Variants in POU2F1 observed in about 807,000 individuals in gnomAD.
POU2F1 encodes the protein POU domain, class 2, transcription factor 1.
A neutral mutation model predicts 84.9 loss-of-function variants in POU2F1; 16 were observed. The ratio of observed to expected loss-of-function variants is 0.19; its 90% CI spans 0.13 to 0.29. The LOEUF (loss-of-function observed/expected upper bound fraction) is 0.29, where lower values mean the gene tolerates loss of function less well. POU2F1 is among the 10% of genes least tolerant of loss of function. The pLI is 1.00. For missense variants in POU2F1, 738 were observed against 942.6 expected, an observed-to-expected ratio of 0.78 and a Z score of 2.84; for synonymous variants, 368 against 368.3, an observed-to-expected ratio of 1.00 and a Z score of 0.01.
intron 1 of POU2F1, among the ~76,000 whole-genome samples, chr1:167,270,993 ATTT>A (rs1181787539): frequency 6.6e-6 from 1 of 152,146 alleles, no homozygotes; most frequent in African/African-American, 2.4e-5. Context: ...ATTTCTTGAC[ATTT>A]TTCAGGTTTG....
At chr1:167,233,138 AT>A (rs1203798759) in intron 1 of POU2F1, among the ~76,000 whole-genome samples, 2,167 of 140,520 alleles carry the variant, frequency 0.015, 36 homozygotes, top group African/African-American at 0.047. Flanking sequence ...TTATTTTTTA[AT>A]TTTTTTTTTT....
At chr1:167,224,144 TG>T (rs1160054220) in intron 1 of POU2F1, among the ~76,000 whole-genome samples, 1 of 152,242 alleles carries the variant, frequency 6.6e-6, no homozygotes, top group Non-Finnish European at 1.5e-5. Flanking sequence ...CCTTATATTT[TG>T]GTTCACTTTT....
intron 1 of POU2F1, among the ~76,000 whole-genome samples, chr1:167,303,309 G>C (rs776319726): frequency 7.9e-5 from 12 of 152,178 alleles, no homozygotes; most frequent in Admixed American, 1.3e-4. Context: ...CTGTTTTGTA[G>C]GTGAGGAAAT....
At chr1:167,274,072 A>G (rs530184757) in intron 1 of POU2F1, among the ~76,000 whole-genome samples, 8 of 152,302 alleles carry the variant, frequency 5.3e-5, no homozygotes, top group East Asian at 3.9e-4. Flanking sequence ...ATTTTCCCCA[A>G]CTAGGTTTTC....
intron 2 of POU2F1, among the ~76,000 whole-genome samples, chr1:167,343,632 A>T (rs1048718166): frequency 8.6e-5 from 6 of 69,394 alleles, no homozygotes; most frequent in South Asian, 7.1e-4. Context: ...CCAGGGGTCA[A>T]TTTTTTTTTT....
At position 167,375,893 on chromosome 1, in the gene POU2F1, G is replaced by A; in HGVS notation, c.592-136G>A. On this transcript the variant is annotated intron_variant, in intron 6 of 15. Coordinates refer to ENST00000367866, the MANE Select transcript of POU2F1 (RefSeq NM_002697.4). The stretch of plus-strand genomic sequence containing the variant: ...GTCAAGCACACACAGAGCATACCCT[G>A]TTTGGAATATGAAAGCATGCGAAGT... 4.5e-6 allele frequency: 5 copies of A among 1,106,448 alleles called. No homozygotes were observed. In the South Asian group the frequency reaches 7.5e-5, roughly 17 times the overall value. 68.5% of individuals were successfully genotyped at this position (1,106,448 alleles called of 1,614,324 possible). A position where few individuals can be genotyped will look rare whatever the true frequency, so the allele number is the denominator to read the frequency against.
intron 13 of POU2F1, among the ~76,000 whole-genome samples, chr1:167,403,830 T>G (rs1649369952): frequency 6.6e-6 from 1 of 152,222 alleles, no homozygotes; most frequent in Admixed American, 6.5e-5. Context: ...CTCAAGTAAT[T>G]TTATTTAGAA....
At chr1:167,275,032 ATTTTT>A (rs11413742) in intron 1 of POU2F1, among the ~76,000 whole-genome samples, 4 of 112,462 alleles carry the variant, frequency 3.6e-5, no homozygotes, top group Admixed American at 9.5e-5. Context: ...AAATAAATGT[ATTTTT>A]TTTTTTTTTT....
intron 13 of POU2F1, among the ~76,000 whole-genome samples, chr1:167,402,965 AC>A (rs1649312913): frequency 1.3e-5 from 2 of 152,394 alleles, no homozygotes; most frequent in Middle Eastern, 3.4e-3. Context: ...CACATTAAGA[AC>A]AAATAGCTTT....
intron 1 of POU2F1, among the ~76,000 whole-genome samples, chr1:167,311,919 A>G (rs553373629): frequency 5.4e-5 from 8 of 149,376 alleles, no homozygotes; most frequent in African/African-American, 2.0e-4. Flanking sequence ...TCCCCTGCAC[A>G]CCAAGCGTGG....
At chr1:167,247,466 G>A (rs1053670983) in intron 1 of POU2F1, among the ~76,000 whole-genome samples, 1 of 152,076 alleles carries the variant, frequency 6.6e-6, no homozygotes, top group African/African-American at 2.4e-5. Context: ...AAATTTCCTC[G>A]TTACCCAACT....
At chr1:167,395,836 G>A (rs1377497590) in intron 9 of POU2F1, among the ~76,000 whole-genome samples, 2 of 152,122 alleles carry the variant, frequency 1.3e-5, no homozygotes, top group Admixed American at 6.5e-5. Flanking sequence ...CTGGGCTCAA[G>A]CATTCCACCC....
intron 1 of POU2F1, among the ~76,000 whole-genome samples, chr1:167,236,339 G>A (rs1172863032): frequency 2.0e-5 from 3 of 151,962 alleles, no homozygotes; most frequent in Non-Finnish European, 4.4e-5. Flanking sequence ...CTGACCTCAT[G>A]ATCCACCTGC....
intron 1 of POU2F1, among the ~76,000 whole-genome samples, chr1:167,296,112 A>G (rs1387361403): frequency 6.6e-6 from 1 of 152,090 alleles, no homozygotes; most frequent in East Asian, 1.9e-4. Flanking sequence ...GTGGAGACTC[A>G]AAGTAGTAAG....
chr1:167,366,897 C>A (rs1268687891), intron 3 of POU2F1, among the ~76,000 whole-genome samples: 1 of 152,064 alleles, frequency 6.6e-6, no homozygotes, highest in Non-Finnish European at 1.5e-5. Context: ...GCATCTTTAT[C>A]TGGCTTAAAT....
chr1:167,273,609 G>C (rs933356654), intron 1 of POU2F1, among the ~76,000 whole-genome samples: 8 of 152,364 alleles, frequency 5.3e-5, no homozygotes, highest in Middle Eastern at 3.4e-3. Flanking sequence ...ACGTATCTGG[G>C]CCCCTTTTAG....
chr1:167,350,164 G>A (rs1389810524), intron 2 of POU2F1, among the ~76,000 whole-genome samples: 1 of 152,128 alleles, frequency 6.6e-6, no homozygotes, highest in African/African-American at 2.4e-5. Context: ...TTATTGGGAG[G>A]CAAAGTCATT....
At chr1:167,254,051 G>A (rs1177555544) in intron 1 of POU2F1, among the ~76,000 whole-genome samples, 1 of 152,074 alleles carries the variant, frequency 6.6e-6, no homozygotes, top group Non-Finnish European at 1.5e-5. Context: ...AAATATTTCA[G>A]ACTCCTGTAT....
intron 13 of POU2F1, among the ~76,000 whole-genome samples, chr1:167,404,553 T>C (rs561057595): frequency 2.6e-5 from 4 of 152,334 alleles, no homozygotes; most frequent in African/African-American, 7.2e-5. Context: ...TAGCGTTCCA[T>C]AGTCAGATTT....
Sources: allele counts gnomAD v4.1 joint callset (sites outside exome capture counted in the v4.1 genomes callset), GRCh38; gene constraint gnomAD v4.1.1; transcripts MANE v1.5; gene names NCBI Gene and HGNC (gene_info 2026-07-23, HGNC 2026-07-21).